Variants in USP46 observed in about 807,000 individuals in gnomAD.
The protein encoded by USP46 is ubiquitin carboxyl-terminal hydrolase 46.
A neutral mutation model predicts 44.4 loss-of-function variants in USP46; 12 were observed. The ratio of observed to expected loss-of-function variants is 0.27; its 90% CI spans 0.17 to 0.44. The LOEUF is 0.44. Among genes scored for constraint, USP46 ranks in the 20% least tolerant of loss-of-function variants. The pLI is 1.00. For missense variants in USP46, 248 were observed against 444.8 expected (o/e 0.56, Z 3.98); for synonymous variants, 155 against 161.5 (o/e 0.96, Z 0.31).
At chr4:52,625,926 C>A in intron 4 of USP46, 92 bp downstream of exon 4, 2 of 1,250,788 alleles carry the variant, frequency 1.6e-6, no homozygotes, top group Non-Finnish European at 2.2e-6. Flanking sequence ...CAAATAACTG[C>A]TAAATGCTAT....
chr4:52,593,999 AG>A lies in USP46; in HGVS notation c.*3640del, dbSNP rs1716128706. 3 of 152,216 alleles carry A rather than the reference AG, an allele frequency of 2.0e-5. No individual in the cohort carries two copies. The highest frequency in any genetic ancestry group is 7.2e-5 in the African/African-American group (3 of 41,458). 9.4% of individuals were successfully genotyped at this position (152,216 alleles called of 1,614,324 possible). A position where few individuals can be genotyped will look rare whatever the true frequency, so the allele number is the denominator to read the frequency against. ...AACATTGATTTTTATCAACCTTGAGAGTAATACTGCCTTTATATATTATAAT... is the reference window on the plus strand; with the variant it reads ...AACATTGATTTTTATCAACCTTGAGATAATACTGCCTTTATATATTATAAT... On this transcript the variant is annotated 3_prime_UTR_variant, in exon 9 of 9. Coordinates refer to ENST00000441222, the MANE Select transcript of USP46 (RefSeq NM_022832.4).
chr4:52,641,222 G>A (rs1718329915), intron 1 of USP46, among the ~76,000 whole-genome samples: 1 of 152,124 alleles, frequency 6.6e-6, no homozygotes, highest in South Asian at 2.1e-4. Flanking sequence ...TACCGATCTT[G>A]GGGGGTAAAT....
At chr4:52,614,001 A>G (rs1234320335) in intron 4 of USP46, among the ~76,000 whole-genome samples, 1 of 152,192 alleles carries the variant, frequency 6.6e-6, no homozygotes, top group African/African-American at 2.4e-5. Context: ...AAGAAATAGA[A>G]ACAATAAAAA....
intron 1 of USP46, among the ~76,000 whole-genome samples, chr4:52,632,990 A>AAAGAAAGAAAGAAAGGAAAAG: frequency 4.5e-5 from 3 of 66,346 alleles, no homozygotes; most frequent in East Asian, 8.4e-4. Context: ...GAAAGAAAAG[A>AAAGAAAGAAAGAAAGGAAAAG]AAAGAAAGAA....
At chr4:52,633,447 T>C (rs546683202) in intron 1 of USP46, among the ~76,000 whole-genome samples, 3 of 152,348 alleles carry the variant, frequency 2.0e-5, no homozygotes, top group African/African-American at 7.2e-5. Flanking sequence ...GCTGAATTTT[T>C]GAAATAACAC....
At chr4:52,610,646 A>G (rs767130335) in intron 4 of USP46, 29 bp from the exon 5 acceptor site, 1 of 1,604,802 alleles carries the variant, frequency 6.2e-7, no homozygotes, top group Non-Finnish European at 8.5e-7. Flanking sequence ...ACAATATATT[A>G]GGCATGAAAT....
rs192736598 is a variant in USP46, at chr4:52,639,322, T to G, written c.37-8178A>C. On this transcript the variant is annotated intron_variant, in intron 1 of 8. Transcript: ENST00000441222. ...AGTGTGGATTAAACAAGATGAAAAT[T>G]TATTTTTCTCTCATGTAAGTATGCA... 2.5e-3 allele frequency among the ~76,000 whole-genome samples: 379 copies of G among 152,350 alleles called. 1 individual carries two copies. Among genetic ancestry groups the G allele is most frequent in the Non-Finnish European group, 3.7e-3 (251 of 68,038 alleles).
intron 1 of USP46, among the ~76,000 whole-genome samples, chr4:52,634,119 CTTT>C (rs778051273): frequency 6.9e-6 from 1 of 144,488 alleles, no homozygotes; most frequent in Non-Finnish European, 1.5e-5. Context: ...TGTCTTTTTT[CTTT>C]TTTTTTTTTT....
At chr4:52,643,904 A>C (rs1718443531) in intron 1 of USP46, among the ~76,000 whole-genome samples, 1 of 152,204 alleles carries the variant, frequency 6.6e-6, no homozygotes, top group African/African-American at 2.4e-5. Flanking sequence ...ACAAGCCAGG[A>C]GAGGAGATAT....
intron 1 of USP46, among the ~76,000 whole-genome samples, chr4:52,648,133 A>G (rs1718624112): frequency 1.3e-5 from 2 of 152,188 alleles, no homozygotes; most frequent in Admixed American, 1.3e-4. Flanking sequence ...ATACCCAATC[A>G]ACAGTGGTGT....
At chr4:52,656,353 G>T (rs372513418) in intron 1 of USP46, 3 of 1,500,944 alleles carry the variant, frequency 2.0e-6, no homozygotes, top group Non-Finnish European at 2.7e-6. Flanking sequence ...TAATATTTAC[G>T]TCTGATCCAG....
At chr4:52,612,758 C>G (rs1716980274) in intron 4 of USP46, among the ~76,000 whole-genome samples, 1 of 152,204 alleles carries the variant, frequency 6.6e-6, no homozygotes, top group African/African-American at 2.4e-5. Flanking sequence ...CCAGCCTAGA[C>G]TAGTCGACCA....
chr4:52,623,042 A>G (rs1316406022), intron 4 of USP46, among the ~76,000 whole-genome samples: 1 of 152,148 alleles, frequency 6.6e-6, no homozygotes, highest in Non-Finnish European at 1.5e-5. Flanking sequence ...CCAGAGGAAA[A>G]AACAGAGAAT....
chr4:52,632,717 G>A (rs1224525633), intron 1 of USP46, among the ~76,000 whole-genome samples: 1 of 151,388 alleles, frequency 6.6e-6, no homozygotes, highest in Non-Finnish European at 1.5e-5. Context: ...TCAAGAGGCT[G>A]AGGTGGAAGG....
intron 4 of USP46, among the ~76,000 whole-genome samples, chr4:52,615,652 C>T (rs1443634558): frequency 1.3e-5 from 2 of 152,044 alleles, no homozygotes; most frequent in Non-Finnish European, 2.9e-5. Context: ...TGTATGATTC[C>T]ATTTACATGA....
At chr4:52,632,989 G>GAAAGAAAGAAAGAAAAA (rs1717954136) in intron 1 of USP46, among the ~76,000 whole-genome samples, 1 of 31,978 alleles carries the variant, frequency 3.1e-5, no homozygotes, top group Non-Finnish European at 6.9e-5. Flanking sequence ...AGAAAGAAAA[G>GAAAGAAAGAAAGAAAAA]AAAAGAAAGA....
At chr4:52,657,039 T>TC (rs1718980118) in intron 1 of USP46, among the ~76,000 whole-genome samples, 1 of 49,496 alleles carries the variant, frequency 2.0e-5, no homozygotes, top group African/African-American at 9.2e-5. Context: ...TGAGACCTTG[T>TC]CAAAAAAAAA....
At chr4:52,634,200 AC>A (rs1718020390) in intron 1 of USP46, among the ~76,000 whole-genome samples, 5 of 143,624 alleles carry the variant, frequency 3.5e-5, no homozygotes, top group Admixed American at 7.0e-5. Flanking sequence ...TGCAACCTCT[AC>A]CCCCTGGGTT....
chr4:52,621,867 TAGA>T (rs1560400148), intron 4 of USP46, among the ~76,000 whole-genome samples: 1 of 152,070 alleles, frequency 6.6e-6, no homozygotes, highest in East Asian at 1.9e-4. Flanking sequence ...AGACACACCA[TAGA>T]AGAACAGAAA....
Sources: gnomAD v4.1 joint callset for allele counts (sites outside exome capture counted in the v4.1 genomes callset) on GRCh38, gnomAD v4.1.1 for gene constraint, MANE v1.5 for transcripts, NCBI Gene and HGNC (gene_info 2026-07-23, HGNC 2026-07-21) for gene names.